The following SENP3 variants were observed in gnomAD, a reference collection of about 807,000 sequenced individuals.
SENP3 encodes SUMO specific peptidase 3.
A neutral mutation model predicts 66.2 loss-of-function variants in SENP3; 11 were observed. The observed-to-expected ratio is 0.17, with a 90% CI of 0.10 to 0.28. SENP3 has a LOEUF of 0.28. Ranked by LOEUF, SENP3 falls within the 10% of genes least tolerant of loss-of-function variation. The pLI is 1.00. For missense variants in SENP3, 548 were observed against 743.7 expected (o/e 0.74, Z 3.06); for synonymous variants, 292 against 277.6 (o/e 1.05, Z -0.52).
Position 7,571,110 on chromosome 17 carries a change from A to G in SENP3, c.1614+177A>G, listed in dbSNP as rs867882336. 9.9e-5 allele frequency among the ~76,000 whole-genome samples: 15 copies of G among 152,284 alleles called. No homozygotes were observed. In the South Asian group the frequency reaches 3.1e-3, roughly 32 times the overall value. On this transcript the variant is annotated intron_variant, in intron 10 of 10. Transcript: ENST00000321337. ...TCTCTTCTGGACTTCTCCATCCCACATTGGGACTGGGTCTCTAGTCTTGGG... is the reference window on the plus strand; with the variant it reads ...TCTCTTCTGGACTTCTCCATCCCACGTTGGGACTGGGTCTCTAGTCTTGGG...
Position 7,562,920 on chromosome 17 carries a change from C to G in SENP3, c.-11-146C>G, listed in dbSNP as rs1454259072. The G allele has an allele frequency of 1.6e-6, 2 of 1,257,898 alleles. No homozygotes were observed. The highest frequency in any genetic ancestry group is 3.1e-5 in the African/African-American group (2 of 64,126). The allele number at this position is 1,257,898 out of a possible 1,614,324, so 77.9% of individuals were successfully genotyped here. A position where few individuals can be genotyped will look rare whatever the true frequency, so the allele number is the denominator to read the frequency against. ...AGGGCCCCTTGTGGACCGCGTTAAC[C>G]GGGAAGATCTTAAGTTAGGAGTTTT... On this transcript the variant is annotated intron_variant, in intron 1 of 10. Coordinates refer to ENST00000321337, the MANE Select transcript of SENP3 (RefSeq NM_015670.6). This position sits in a 1 kb window ranked among gnomAD's most constrained non-coding sequence, Gnocchi z 5.0.
At chr17:7,563,889 T>A in intron 2 of SENP3, 98 bp downstream of exon 2, 1 of 1,061,568 alleles carries the variant, frequency 9.4e-7, no homozygotes, top group Non-Finnish European at 1.3e-6. Flanking sequence ...GAGCTGGGCT[T>A]AAGGAAAGTA....
chr17:7,566,806 C>T, intron 6 of SENP3, 121 bp from the exon 7 acceptor site: 2 of 754,614 alleles, frequency 2.7e-6, no homozygotes, highest in Non-Finnish European at 2.2e-6. Context: ...CCTGTCTCTA[C>T]CAAAAAAAAA....
chr17:7,566,053 A>G (rs1448483657), intron 6 of SENP3: 1 of 293,752 alleles, frequency 3.4e-6, no homozygotes, highest in South Asian at 6.2e-5. Flanking sequence ...AAGAAAAAGA[A>G]AAAGGCCACC....
At chr17:7,568,553 C>T (rs986225040) in intron 7 of SENP3, among the ~76,000 whole-genome samples, 1 of 152,126 alleles carries the variant, frequency 6.6e-6, no homozygotes, top group African/African-American at 2.4e-5. Context: ...TGTGCCACTG[C>T]ACTCCACCCT....
At position 7,561,993 on chromosome 17, in the gene SENP3, A is replaced by C. The variant is rs1344249173; in HGVS notation, c.-282A>C. ...GGAGGGGAAGGAGGAGGGGGGGAGG[A>C]GTGGCGGCGGCGGCGGTGGCGCTGG... On this transcript the variant is annotated 5_prime_UTR_variant, in exon 1 of 11. Transcript: ENST00000321337. The surrounding 1 kb of genome is among the most constrained non-coding windows in gnomAD (Gnocchi z 4.4). 1 of 395,816 alleles carries C rather than the reference A, an allele frequency of 2.5e-6. No individual in the cohort carries two copies. Among genetic ancestry groups the C allele is most frequent in the Non-Finnish European group, 4.4e-6 (1 of 225,360 alleles). 24.5% of individuals were successfully genotyped at this position (395,816 alleles called of 1,614,324 possible).
chr17:7,571,151 G>A (rs1277582643), intron 10 of SENP3, among the ~76,000 whole-genome samples: 1 of 152,140 alleles, frequency 6.6e-6, no homozygotes, highest in Non-Finnish European at 1.5e-5. Flanking sequence ...GGCCTTCATA[G>A]AGCTCCCTGC....
In SENP3 at chr17:7,570,391, C is replaced by T. The variant is rs1243251234; in HGVS notation, c.1377C>T (p.Pro459=). The T allele has an allele frequency of 1.2e-6, 2 of 1,613,914 alleles. No individual in the cohort carries two copies. Among genetic ancestry groups the T allele is most frequent in the East Asian group, 2.2e-5 (1 of 44,882 alleles). The change falls in exon 8 of 11, where the codon CCC becomes CCT. Residue 459 remains proline, a synonymous_variant. Coordinates refer to ENST00000321337, the MANE Select transcript of SENP3 (RefSeq NM_015670.6). The surrounding 1 kb of genome is among the most constrained non-coding windows in gnomAD (Gnocchi z 5.4). ...DIFNKELLLI[P]IHLEVHWSLI... ...TCAATAAGGAGCTACTGCTAATCCC[C>T]ATCCACCTGGAGGTGCATTGGTCCC...
rs1282482533 is a variant in SENP3, at chr17:7,564,780, G to T, written c.871G>T (p.Gly291Cys). Reference sequence around the variant, plus strand: ...GGAGCTTTTTCAGGGCTCAGATTTGGGCATGGCAGAAGAGGCAGAGAGGCC... The same window carrying T: ...GGAGCTTTTTCAGGGCTCAGATTTGTGCATGGCAGAAGAGGCAGAGAGGCC... ...AQELFQGSDL[G>C]MAEEAERPGE... The change falls in exon 3 of 11, where the codon GGC becomes TGC. Residue 291 changes from glycine to cysteine, a missense_variant. Around this residue, in one of 6 missense-constraint regions of SENP3, gnomAD observed 215 missense variants for 230.7 expected, o/e 0.93. Transcript: ENST00000321337. The T allele has an allele frequency of 1.9e-6, 3 of 1,613,986 alleles. No homozygotes were observed. Among genetic ancestry groups the T allele is most frequent in the Non-Finnish European group, 2.5e-6 (3 of 1,179,888 alleles).
At chr17:7,565,408 CTT>C (rs751414413) in intron 4 of SENP3, 30 bp from the exon 5 acceptor site, 2 of 1,611,506 alleles carry the variant, frequency 1.2e-6, no homozygotes, top group South Asian at 1.1e-5. Context: ...GCTGCATCAT[CTT>C]TTGTGTGACT....
chr17:7,563,251 C>T lies in SENP3; in HGVS notation c.175C>T (p.Pro59Ser), dbSNP rs765702717. Residue 59 changes from proline to serine, a missense_variant, in exon 2 of 11, where the codon CCA (proline) becomes TCA (serine). Pro to Ser is a moderately conservative substitution (Grantham distance 74, BLOSUM62 -1). Transcript: ENST00000321337. ...AGATCCTGGGTCAGGGACCACAGTGCCAGCCAGACGCCTCCCTGTCCCCCG... is the reference window on the plus strand; with the variant it reads ...AGATCCTGGGTCAGGGACCACAGTGTCAGCCAGACGCCTCCCTGTCCCCCG... Reference protein sequence around the residue: ...GPDPGSGTTVPARRLPVPRPS... With the variant: ...GPDPGSGTTVSARRLPVPRPS... 6 of 1,558,574 alleles carry T rather than the reference C, an allele frequency of 3.8e-6. No homozygotes were observed. Among genetic ancestry groups the T allele is most frequent in the Non-Finnish European group, 4.3e-6 (5 of 1,150,990 alleles).
rs1361258919 is a variant in SENP3, at chr17:7,571,857, A to T, written c.*374A>T. 9.4e-4 allele frequency: 3 copies of T among 3,184 alleles called. No individual in the cohort carries two copies. Among genetic ancestry groups the T allele is most frequent in the Non-Finnish European group, 7.0e-4 (1 of 1,422 alleles). The allele number at this position is 3,184 out of a possible 1,614,324, so 0.2% of individuals were successfully genotyped here. A position where few individuals can be genotyped will look rare whatever the true frequency, so the allele number is the denominator to read the frequency against. ...AACTTTTATATATATATATATATAT[A>T]TATATATATATATATATATATATAT... On this transcript the variant is annotated 3_prime_UTR_variant, in exon 11 of 11. Transcript: ENST00000321337.
At chr17:7,567,627 G>C (rs149568232) in intron 7 of SENP3, among the ~76,000 whole-genome samples, 1 of 152,224 alleles carries the variant, frequency 6.6e-6, no homozygotes, top group African/African-American at 2.4e-5. Flanking sequence ...TGAGCAGCCA[G>C]CCATGCGCAG....
rs1357867300 is a variant in SENP3 at position 7,571,314 on chromosome 17, A to G, written c.1615-59A>G. The G allele has an allele frequency of 4.0e-6, 5 of 1,247,520 alleles. No homozygotes were observed. The East Asian group carries it at 7.0e-5, about 18-fold the overall frequency. The allele number at this position is 1,247,520 out of a possible 1,614,324, so 77.3% of individuals were successfully genotyped here. ...AGGATGGAGACACATCTCATATGAA[A>G]TGTGTAGCACAGGTCCTGACACGGG... On this transcript the variant is annotated intron_variant, in intron 10 of 10. Coordinates refer to ENST00000321337, the MANE Select transcript of SENP3 (RefSeq NM_015670.6).
At chr17:7,564,077 A>G (rs1452204623) in intron 2 of SENP3, among the ~76,000 whole-genome samples, 1 of 152,198 alleles carries the variant, frequency 6.6e-6, no homozygotes, top group Non-Finnish European at 1.5e-5. Context: ...TGTGGTTTAC[A>G]AAAATCCTGT....
Position 7,563,371 on chromosome 17 carries a change from C to G in SENP3, c.295C>G (p.Pro99Ala). 6.4e-7 allele frequency: 1 copy of G among 1,551,350 alleles called. No homozygotes were observed. The highest frequency in any genetic ancestry group is 2.0e-5 in the Admixed American group (1 of 51,010). ...GGAGGAAGTGGCAGCTTGGAGGCTG[C>G]CCCCAAGATGGAGTCAGCTGGGAAC... ...EEEEVAAWRL[P>A]PRWSQLGTSQ... The change falls in exon 2 of 11, where the codon CCC (proline) becomes GCC (alanine). Residue 99 changes from proline (P) to alanine (A), a missense_variant. Pro to Ala is a conservative substitution (Grantham distance 27, BLOSUM62 -1). Coordinates refer to ENST00000321337, the MANE Select transcript of SENP3 (RefSeq NM_015670.6).
Position 7,563,118 on chromosome 17 carries a change from G to A in SENP3, c.42G>A (p.Glu14=). ...TIQGTGSWGP[E]PPGPGIPPAY... ...AAGGGACCGGGTCCTGGGGGCCTGA[G>A]CCTCCTGGACCCGGCATACCCCCAG... Residue 14 remains glutamate, a synonymous_variant, in exon 2 of 11, where the codon GAG becomes GAA. Transcript: ENST00000321337. The A allele has an allele frequency of 6.6e-7, 1 of 1,520,340 alleles. No homozygotes were observed. Among genetic ancestry groups the A allele is most frequent in the East Asian group, 2.3e-5 (1 of 43,976 alleles). 94.2% of individuals were successfully genotyped at this position (1,520,340 alleles called of 1,614,324 possible).
In SENP3 at chr17:7,570,037, T is replaced by C. The variant is rs77529322; in HGVS notation, c.1342-319T>C. Among the ~76,000 whole-genome samples the C allele has an allele frequency of 7.6e-3, 1,153 of 152,264 alleles. 16 individuals are homozygous for C. Among genetic ancestry groups the C allele is most frequent in the African/African-American group, 0.026 (1,098 of 41,542 alleles). On this transcript the variant is annotated intron_variant, in intron 7 of 10. Transcript: ENST00000321337. The surrounding 1 kb of genome is among the most constrained non-coding windows in gnomAD (Gnocchi z 5.4). ...CATAAGCCAGTAAATGGAGGAGCTG[T>C]ATTTGAATTCTGGCAGGCTCCAGAA...
rs1455774295 is a variant in SENP3 at position 7,562,088 on chromosome 17, G to GGGGTGCTCGGCGGCGCGGCA, written c.-186_-167dup. ...GAAGCAGAGCCAGAGGCGGCGCGGC[G>GGGGTGCTCGGCGGCGCGGCA]GGGTGCTCGGCGGCGCGGCACGCGG... is the stretch of plus-strand genomic sequence containing the variant. On this transcript the variant is annotated 5_prime_UTR_variant, in exon 1 of 11. Coordinates refer to ENST00000321337, the MANE Select transcript of SENP3 (RefSeq NM_015670.6). This position sits in a 1 kb window ranked among gnomAD's most constrained non-coding sequence, Gnocchi z 5.0. 7 of 398,464 alleles carry GGGGTGCTCGGCGGCGCGGCA rather than the reference G, an allele frequency of 1.8e-5. No homozygotes were observed. The South Asian group carries it at 4.9e-4, about 28-fold the overall frequency. 24.7% of individuals were successfully genotyped at this position (398,464 alleles called of 1,614,324 possible).
Sources: allele counts gnomAD v4.1 joint callset (sites outside exome capture counted in the v4.1 genomes callset), GRCh38; gene constraint gnomAD v4.1.1; regional missense constraint gnomAD v4.1.1; non-coding constraint Gnocchi (gnomAD v3.1); transcripts MANE v1.5; gene names NCBI Gene and HGNC (gene_info 2026-07-23, HGNC 2026-07-21).